SLC4A10: variants seen among roughly 807,000 people sequenced by gnomAD.
SLC4A10 encodes sodium-driven chloride bicarbonate exchanger.
In SLC4A10, 42 loss-of-function variants were observed where a neutral mutation model predicts 137.7. The ratio of observed to expected loss-of-function variants is 0.30; its 90% CI spans 0.24 to 0.39. The LOEUF is 0.39. Among genes scored for constraint, SLC4A10 ranks in the 10% least tolerant of loss-of-function variants. The pLI, the probability that SLC4A10 is intolerant of heterozygous loss-of-function variation, is 1.00. For synonymous variants in SLC4A10, 474 were observed against 464.1 expected (o/e 1.02, Z -0.27); for missense variants, 925 against 1,355.0 (o/e 0.68, Z 4.98).
chr2:161,975,376 T>C (rs1308224949), intron 24 of SLC4A10, among the ~76,000 whole-genome samples: 1 of 152,166 alleles, frequency 6.6e-6, no homozygotes, highest in Non-Finnish European at 1.5e-5. Flanking sequence ...GTTTGGAGAT[T>C]CACAATGCAT....
chr2:161,910,935 G>A (rs1454330423), intron 15 of SLC4A10, among the ~76,000 whole-genome samples: 8 of 151,586 alleles, frequency 5.3e-5, no homozygotes, highest in South Asian at 2.1e-4. Context: ...TTTATCTCCC[G>A]TAGTCCCAGC....
chr2:161,830,376 A>G (rs1398690845), intron 3 of SLC4A10, among the ~76,000 whole-genome samples: 1 of 152,232 alleles, frequency 6.6e-6, no homozygotes, highest in African/African-American at 2.4e-5. Context: ...CCATTTTCAT[A>G]ACATGCCAGT....
chr2:161,824,378 T>G (rs937939223), intron 3 of SLC4A10, among the ~76,000 whole-genome samples: 3 of 152,154 alleles, frequency 2.0e-5, no homozygotes, highest in Non-Finnish European at 4.4e-5. Flanking sequence ...CCATCAAGCT[T>G]GAAACCACAA....
intron 15 of SLC4A10, chr2:161,931,545 A>T (rs1690400363): frequency 6.6e-6 from 1 of 152,186 alleles, no homozygotes; most frequent in Non-Finnish European, 1.5e-5. Flanking sequence ...TACTTTTTAA[A>T]TCTTTAAGTA....
In SLC4A10 at chr2:161,791,114, G is replaced by A. The variant is rs1166756849; in HGVS notation, c.131-13335G>A. On this transcript the variant is annotated intron_variant, in intron 2 of 26. Coordinates refer to ENST00000446997, the MANE Select transcript of SLC4A10 (RefSeq NM_001178015.2). ...CATTTGACCCAACAATGCCATTAAT[G>A]TGTATATACCCAAAGGAATATAAAT... Among the ~76,000 whole-genome samples, 4 of 152,256 alleles carry A rather than the reference G, an allele frequency of 2.6e-5. No individual in the cohort carries two copies. The East Asian group carries it at 7.7e-4, about 29-fold the overall frequency.
At chr2:161,884,858 T>C (rs2062111309) in intron 10 of SLC4A10, among the ~76,000 whole-genome samples, 1 of 152,356 alleles carries the variant, frequency 6.6e-6, no homozygotes, top group South Asian at 2.1e-4. Context: ...TTGTTCTGCT[T>C]ATCTAATTGC....
At chr2:161,738,563 T>C (rs1180853033) in intron 1 of SLC4A10, among the ~76,000 whole-genome samples, 1 of 152,224 alleles carries the variant, frequency 6.6e-6, no homozygotes, top group East Asian at 1.9e-4. Context: ...GATTATATAG[T>C]TTGTTTACAT....
chr2:161,630,938 A>T (rs1382917497), intron 1 of SLC4A10, among the ~76,000 whole-genome samples: 1 of 151,770 alleles, frequency 6.6e-6, no homozygotes, highest in Non-Finnish European at 1.5e-5. Context: ...AACGCTAATT[A>T]AACAATAAAA....
chr2:161,889,234 C>T (rs928942494), intron 10 of SLC4A10, among the ~76,000 whole-genome samples: 2 of 151,974 alleles, frequency 1.3e-5, no homozygotes, highest in Admixed American at 1.3e-4. Flanking sequence ...GGGATATCGG[C>T]CTGAAATTTT....
intron 1 of SLC4A10, among the ~76,000 whole-genome samples, chr2:161,715,228 A>AAC: frequency 6.6e-6 from 1 of 152,172 alleles, no homozygotes; most frequent in Admixed American, 6.6e-5. Flanking sequence ...TTAGAGTATA[A>AAC]ACACCTGAAT....
intron 15 of SLC4A10, among the ~76,000 whole-genome samples, chr2:161,926,964 C>T (rs549021984): frequency 6.6e-6 from 1 of 151,980 alleles, no homozygotes; most frequent in Non-Finnish European, 1.5e-5. Flanking sequence ...GTGGGTAACC[C>T]AACCTTTCTC....
intron 12 of SLC4A10, chr2:161,901,937 A>AT (rs1239127578): frequency 3.4e-5 from 14 of 409,812 alleles, no homozygotes; most frequent in South Asian, 8.9e-5. Flanking sequence ...TTTTGGTGGT[A>AT]TTTTTTTTCT....
intron 1 of SLC4A10, among the ~76,000 whole-genome samples, chr2:161,689,126 TA>T (rs1173879132): frequency 6.6e-6 from 1 of 152,142 alleles, no homozygotes; most frequent in African/African-American, 2.4e-5. Context: ...ATCAAAAAGT[TA>T]AAAAAATTAA....
chr2:161,793,509 T>C (rs1012779774), intron 2 of SLC4A10, among the ~76,000 whole-genome samples: 10 of 151,782 alleles, frequency 6.6e-5, no homozygotes, highest in Non-Finnish European at 1.5e-4. Context: ...CTCCTCGTTC[T>C]ATCTTTCCTC....
chr2:161,880,177 T>C (rs1263639961), intron 9 of SLC4A10, among the ~76,000 whole-genome samples: 3 of 152,104 alleles, frequency 2.0e-5, no homozygotes, highest in Non-Finnish European at 4.4e-5. Flanking sequence ...AGGGCCCCGT[T>C]CCCATATGGC....
intron 15 of SLC4A10, among the ~76,000 whole-genome samples, chr2:161,930,949 T>C (rs542339146): frequency 9.5e-6 from 1 of 105,066 alleles, no homozygotes; most frequent in African/African-American, 3.4e-5. Context: ...ATTTTGTTTT[T>C]TAAGACGCGT....
rs146642855 is a variant in SLC4A10 at position 161,721,912 on chromosome 2, C to T, written c.49-49061C>T. Among the ~76,000 whole-genome samples, 66 of 152,244 alleles carry T rather than the reference C, an allele frequency of 4.3e-4. No homozygotes were observed. In the East Asian group the frequency reaches 9.5e-3, roughly 22 times the overall value. On this transcript the variant is annotated intron_variant, in intron 1 of 26. Coordinates refer to ENST00000446997, the MANE Select transcript of SLC4A10 (RefSeq NM_001178015.2). ...TTCATTCTTCTTTCTCTAATCTTGT[C>T]GCCTGTCTTACTTCAGCAAGATAGT...
At chr2:161,702,524 T>C (rs1217689508) in intron 1 of SLC4A10, among the ~76,000 whole-genome samples, 1 of 151,740 alleles carries the variant, frequency 6.6e-6, no homozygotes, top group African/African-American at 2.4e-5. Context: ...ATTGGTGGCT[T>C]TTTGGTCCTC....
At chr2:161,846,603 C>G (rs935574491) in intron 4 of SLC4A10, among the ~76,000 whole-genome samples, 4 of 152,150 alleles carry the variant, frequency 2.6e-5, no homozygotes, top group African/African-American at 9.7e-5. Context: ...ATTAAACAAA[C>G]TGATACATCC....
Sources: gnomAD v4.1 joint callset for allele counts (sites outside exome capture counted in the v4.1 genomes callset) on GRCh38, gnomAD v4.1.1 for gene constraint, MANE v1.5 for transcripts, NCBI Gene and HGNC (gene_info 2026-07-23, HGNC 2026-07-21) for gene names.